KRT26: variants seen among roughly 807,000 people sequenced by gnomAD.
KRT26 encodes the protein keratin 26, also known as keratin, type I cytoskeletal 26.
KRT26 carries 45 observed loss-of-function variants against 46.1 expected under a neutral mutation model. The ratio of observed to expected loss-of-function variants is 0.98; its 90% CI spans 0.77 to 1.25. The LOEUF (loss-of-function observed/expected upper bound fraction) is 1.25. Ranked by LOEUF, KRT26 falls within the 50% of genes most tolerant of loss-of-function variation. The probability of loss-of-function intolerance (pLI) is 0.00; values close to 1 mark genes in which losing one functional copy is unlikely to be tolerated. For synonymous variants in KRT26, 191 were observed against 209.9 expected (o/e 0.91, Z 0.78); for missense variants, 582 against 560.1 (o/e 1.04, Z -0.39).
rs201876694 is a variant in KRT26 at position 40,771,148 on chromosome 17, A to G, written c.524+6T>C. ...TAATATAATTAATCAGTTTGTTTTC[A>G]CCTACTTCAGCCTGAAGTCATCAGC... On this transcript the variant is annotated splice_donor_region_variant and intron_variant, in intron 2 of 7. Transcript: ENST00000335552. 408 of 1,532,414 alleles carry G rather than the reference A, an allele frequency of 2.7e-4. 1 individual carries two copies. The African/African-American group carries it at 5.1e-3, about 19-fold the overall frequency. The allele number at this position is 1,532,414 out of a possible 1,614,324, so 94.9% of individuals were successfully genotyped here.
At chr17:40,769,015 C>A (rs867595465) in exon 6 of KRT26, 1 of 1,614,008 alleles carries the variant, frequency 6.2e-7, no homozygotes, top group East Asian at 2.2e-5. Context: ...TCCTCCATCA[C>A]CCCTATCTGA....
At chr17:40,767,600 C>T in exon 7 of KRT26, 1 of 1,604,958 alleles carries the variant, frequency 6.2e-7, no homozygotes. Context: ...GGCTTGATTT[C>T]CAGAATTCAC....
chr17:40,767,299 T>C (rs537641153), intron 7 of KRT26, among the ~76,000 whole-genome samples: 8 of 152,226 alleles, frequency 5.3e-5, no homozygotes, highest in Non-Finnish European at 1.2e-4. Flanking sequence ...TAAGATAAAG[T>C]AGCTCTTTTA....
At chr17:40,768,586 C>T (rs557495395) in intron 6 of KRT26, among the ~76,000 whole-genome samples, 1 of 152,272 alleles carries the variant, frequency 6.6e-6, no homozygotes, top group African/African-American at 2.4e-5. Flanking sequence ...TGCTTACACA[C>T]TAAATCACAG....
exon 8 of KRT26, chr17:40,766,581 A>G: frequency 6.2e-7 from 1 of 1,612,918 alleles, no homozygotes; most frequent in East Asian, 2.2e-5. Flanking sequence ...ACTTTTCTTC[A>G]ACTGAGTGGA....
chr17:40,769,147 G>T, intron 5 of KRT26, 51 bp from the exon 6 acceptor site: 3 of 1,153,622 alleles, frequency 2.6e-6, no homozygotes, highest in Non-Finnish European at 3.8e-6. Flanking sequence ...AAATGGCATG[G>T]TCATCTTATA....
At chr17:40,770,274 G>A (rs2038211412) in exon 3 of KRT26, 1 of 1,614,030 alleles carries the variant, frequency 6.2e-7, no homozygotes, top group Admixed American at 1.7e-5. Context: ...TTTTTTTGAG[G>A]TAGGTCAATT....
exon 5 of KRT26, chr17:40,769,786 G>C (rs1328962717): frequency 6.2e-7 from 1 of 1,614,170 alleles, no homozygotes; most frequent in South Asian, 1.1e-5. Flanking sequence ...TCTATTTCCA[G>C]GGTTTGCAGA....
At chr17:40,766,607 G>A (rs1418610779) in exon 8 of KRT26, 1 of 1,612,884 alleles carries the variant, frequency 6.2e-7, no homozygotes, top group Non-Finnish European at 8.5e-7. Context: ...AGTGAAAGGA[G>A]ATTGCCAATT....
rs2038181836 is a variant in KRT26, at chr17:40,767,627, G to C, written c.1214C>G (p.Ser405Ter). The C allele has an allele frequency of 1.4e-5, 23 of 1,606,278 alleles. No individual in the cohort carries two copies. Among genetic ancestry groups the C allele is most frequent in the Non-Finnish European group, 1.8e-5 (21 of 1,177,098 alleles). ...AGAATTCACAGGCCTGTATCCTTTT[G>C]ATTTGTAACATGTGGATTTGCTTTT... Residue 405 changes from serine to a stop codon, truncating the protein, a stop_gained, in exon 7 of 8, where the codon TCA becomes TGA. Transcript: ENST00000335552. LOFTEE classifies it low-confidence loss of function (END_TRUNC).
Position 40,771,237 on chromosome 17 carries a change from C to A in KRT26, c.442-1G>T, listed in dbSNP as rs183460150. On this transcript the variant is annotated splice_acceptor_variant, in intron 1 of 7. Transcript: ENST00000335552. LOFTEE classifies it high-confidence loss of function. ...CATTGCAGATGGTCGCAGAAATAAT[C>A]TAAATAGGGAAGATTGTGAAAAATG... is the stretch of plus-strand genomic sequence containing the variant. The A allele has an allele frequency of 1.9e-6, 3 of 1,567,182 alleles. No homozygotes were observed. The highest frequency in any genetic ancestry group is 2.6e-6 in the Non-Finnish European group (3 of 1,140,470).
chr17:40,767,840 T>C (rs2038183691), intron 6 of KRT26, among the ~76,000 whole-genome samples, 187 bp from the exon 7 acceptor site: 1 of 152,226 alleles, frequency 6.6e-6, no homozygotes, highest in African/African-American at 2.4e-5. Context: ...TAAATGGATG[T>C]TTATGAATAG....
At chr17:40,771,459 A>G (rs1322232357) in intron 1 of KRT26, among the ~76,000 whole-genome samples, 1 of 152,230 alleles carries the variant, frequency 6.6e-6, no homozygotes, top group Non-Finnish European at 1.5e-5. Flanking sequence ...TAAATATATG[A>G]AAAACGAAGT....
intron 6 of KRT26, 29 bp downstream of exon 6, chr17:40,768,850 T>G (rs1470397670): frequency 2.5e-6 from 3 of 1,222,764 alleles, no homozygotes; most frequent in Non-Finnish European, 2.3e-6. Context: ...ATGTGAGGTT[T>G]TTTTTTTTTT....
intron 5 of KRT26, 141 bp from the exon 6 acceptor site, chr17:40,769,237 A>G (rs1474803125): frequency 7.1e-6 from 4 of 566,472 alleles, no homozygotes; most frequent in Admixed American, 6.5e-5. Flanking sequence ...GGCTCACTGC[A>G]GCCTCTCTTC....
At position 40,768,862 on chromosome 17, in the gene KRT26, TGC is replaced by T; in HGVS notation, c.1187+15_1187+16del. 2 of 1,268,388 alleles carry T rather than the reference TGC, an allele frequency of 1.6e-6. No homozygotes were observed. Among genetic ancestry groups the T allele is most frequent in the Non-Finnish European group, 2.2e-6 (2 of 911,222 alleles). The allele number at this position is 1,268,388 out of a possible 1,614,324, so 78.6% of individuals were successfully genotyped here. A position where few individuals can be genotyped will look rare whatever the true frequency, so the allele number is the denominator to read the frequency against. On this transcript the variant is annotated intron_variant, in intron 6 of 7. Coordinates refer to ENST00000335552, the Ensembl canonical transcript of KRT26. ...TTAATGTGAGGTTTTTTTTTTTTTT[TGC>T]AAGTTAATCTTTACCTTTCTTCTCC...
chr17:40,769,632 T>G (rs2038201926), intron 5 of KRT26, 122 bp downstream of exon 5: 2 of 999,996 alleles, frequency 2.0e-6, no homozygotes, highest in Middle Eastern at 2.5e-4. Flanking sequence ...ATATTTAATA[T>G]ATTTTATACT....
intron 2 of KRT26, among the ~76,000 whole-genome samples, 157 bp downstream of exon 2, chr17:40,770,997 A>C (rs2038217250): frequency 6.6e-6 from 1 of 152,226 alleles, no homozygotes; most frequent in Admixed American, 6.5e-5. Context: ...CAACCATGAT[A>C]GCTCTTTTTA....
chr17:40,771,912 A>G, exon 1 of KRT26: 1 of 1,614,202 alleles, frequency 6.2e-7, no homozygotes, highest in African/African-American at 1.3e-5. Flanking sequence ...AAACCAGCAC[A>G]GGCACCACTT....
Sources: gnomAD v4.1 joint callset for allele counts (sites outside exome capture counted in the v4.1 genomes callset) on GRCh38, gnomAD v4.1.1 for gene constraint, MANE v1.5 for transcripts, NCBI Gene and HGNC (gene_info 2026-07-23, HGNC 2026-07-21) for gene names.